Variants in BRIP1 observed in about 807,000 individuals in gnomAD.
BRIP1 encodes the protein Fanconi anemia group J protein.
In BRIP1, 88 loss-of-function variants were observed where a neutral mutation model predicts 119.7. That is an observed-to-expected ratio of 0.74 (90% CI 0.62 to 0.88). BRIP1 has a LOEUF of 0.88. Ranked by LOEUF, BRIP1 falls within the 40% of genes least tolerant of loss-of-function variation. The pLI is 0.00. For missense variants in BRIP1, 1,259 were observed against 1,455.4 expected (o/e 0.87, Z 2.20); for synonymous variants, 443 against 496.5 (o/e 0.89, Z 1.43).
chr17:61,850,144 C>T (rs1325608058), intron 4 of BRIP1, among the ~76,000 whole-genome samples: 1 of 150,470 alleles, frequency 6.6e-6, no homozygotes, highest in Non-Finnish European at 1.5e-5. Context: ...CTCTTGTTGC[C>T]CAGGCTGAAG....
Position 61,743,082 on chromosome 17 carries a change from A to G in BRIP1, c.2310T>C (p.Asp770=), listed in dbSNP as rs148752066. The G allele has an allele frequency of 3.7e-6, 6 of 1,613,836 alleles. No individual in the cohort carries two copies. The highest frequency in any genetic ancestry group is 2.7e-5 in the African/African-American group (2 of 74,906). Residue 770 remains aspartate (D), a synonymous_variant, in exon 16 of 20, where the codon GAT becomes GAC. Coordinates refer to ENST00000259008, the MANE Select transcript of BRIP1 (RefSeq NM_032043.3). This position sits in a 1 kb window ranked among gnomAD's most constrained non-coding sequence, Gnocchi z 4.3. ...CAGCACGGGCATTGTCATCTGAGAA[A>G]TCCAGACCCTCACTCACTTTACCAC... is the stretch of plus-strand genomic sequence containing the variant. The part of the protein sequence containing the change: ...VCRGKVSEGL[D]FSDDNARAVI...
rs786201802 is a variant in BRIP1, at chr17:61,693,481, G to A, written c.2524C>T (p.Leu842Phe). The A allele has an allele frequency of 1.9e-6, 3 of 1,613,458 alleles. No homozygotes were observed. Reference protein sequence around the residue: ...CIRHRNDWGALILVDDRFRNN... With the variant: ...CIRHRNDWGAFILVDDRFRNN... ...CTAAAGCGATCATCCACTAGAATAAGAGCTCCCCAATCATTTCTGTGTCTA... is the reference window on the plus strand; with the variant it reads ...CTAAAGCGATCATCCACTAGAATAAAAGCTCCCCAATCATTTCTGTGTCTA... Residue 842 changes from leucine (L) to phenylalanine (F), a missense_variant, in exon 18 of 20, where the codon CTT becomes TTT. Physicochemically the swap from Leu to Phe is conservative, Grantham distance 22. Transcript: ENST00000259008. The surrounding 1 kb of genome is among the most constrained non-coding windows in gnomAD (Gnocchi z 4.2).
In BRIP1 at chr17:61,776,525, C is replaced by T. The variant is rs759142191; in HGVS notation, c.1973G>A (p.Arg658Gln). ...VGTIGSGPKGRNLCATFQNTE... is the reference protein window; with the variant it reads ...VGTIGSGPKGQNLCATFQNTE... ...ATTCTGGAAGGTAGCACAGAGATTC[C>T]GACCCTTGGGGCCTGACCCAATGGT... Residue 658 changes from arginine to glutamine, a missense_variant, in exon 14 of 20, where the codon CGG (arginine) becomes CAG (glutamine). Transcript: ENST00000259008. The surrounding 1 kb of genome is among the most constrained non-coding windows in gnomAD (Gnocchi z 5.0). 9 of 1,614,002 alleles carry T rather than the reference C, an allele frequency of 5.6e-6. No individual in the cohort carries two copies. The highest frequency in any genetic ancestry group is 5.5e-5 in the South Asian group (5 of 91,086).
Position 61,735,354 on chromosome 17 carries a change from A to G in BRIP1, c.2379+7659T>C, listed in dbSNP as rs1409660466. Among the ~76,000 whole-genome samples the G allele has an allele frequency of 6.6e-6, 1 of 152,080 alleles. No homozygotes were observed. Among genetic ancestry groups the G allele is most frequent in the Non-Finnish European group, 1.5e-5 (1 of 68,016 alleles). On this transcript the variant is annotated intron_variant, in intron 16 of 19. Transcript: ENST00000259008. This position sits in a 1 kb window ranked among gnomAD's most constrained non-coding sequence, Gnocchi z 4.4. Reference sequence around the variant, plus strand: ...ATTTTATTTTTTTCCTCACAATTTTATTAAGTTGTGTAAGACTCTGTATTG... The same window carrying G: ...ATTTTATTTTTTTCCTCACAATTTTGTTAAGTTGTGTAAGACTCTGTATTG...
At position 61,768,867 on chromosome 17, in the gene BRIP1, T is replaced by C. The variant is rs1341086334; in HGVS notation, c.2097+7534A>G. Among the ~76,000 whole-genome samples the C allele has an allele frequency of 6.6e-6, 1 of 152,128 alleles. No individual in the cohort carries two copies. The highest frequency in any genetic ancestry group is 1.5e-5 in the Non-Finnish European group (1 of 68,030). ...AAAGGGAGATTATCTTGGGTGGACC[T>C]GACTTAATCAGGTAAAAGTCCTTAA... On this transcript the variant is annotated intron_variant, in intron 14 of 19. Coordinates refer to ENST00000259008, the MANE Select transcript of BRIP1 (RefSeq NM_032043.3). This position sits in a 1 kb window ranked among gnomAD's most constrained non-coding sequence, Gnocchi z 5.0.
intron 14 of BRIP1, among the ~76,000 whole-genome samples, chr17:61,771,543 C>A (rs924380207): frequency 2.0e-5 from 3 of 151,650 alleles, no homozygotes; most frequent in East Asian, 1.9e-4. Flanking sequence ...AGGCTATTAT[C>A]AAAAAAAACA....
Position 61,806,854 on chromosome 17 carries a change from C to T in BRIP1, c.918+1613G>A, listed in dbSNP as rs898258399. 9.9e-5 allele frequency among the ~76,000 whole-genome samples: 15 copies of T among 152,112 alleles called. No individual in the cohort carries two copies. The highest frequency in any genetic ancestry group is 3.4e-4 in the African/African-American group (14 of 41,434). ...CTGGGATTACAAGCATGCGCCACCA[C>T]GCCCAGCTAATTTTTTGTATTTTTA... On this transcript the variant is annotated intron_variant, in intron 7 of 19. Transcript: ENST00000259008. The surrounding 1 kb of genome is among the most constrained non-coding windows in gnomAD (Gnocchi z 4.9).
chr17:61,823,678 A>G lies in BRIP1; in HGVS notation c.628-14921T>C, dbSNP rs572792770. 6.6e-6 allele frequency among the ~76,000 whole-genome samples: 1 copy of G among 152,244 alleles called. No individual in the cohort carries two copies. Among genetic ancestry groups the G allele is most frequent in the South Asian group, 2.1e-4 (1 of 4,820 alleles). On this transcript the variant is annotated intron_variant, in intron 6 of 19. Coordinates refer to ENST00000259008, the MANE Select transcript of BRIP1 (RefSeq NM_032043.3). This position sits in a 1 kb window ranked among gnomAD's most constrained non-coding sequence, Gnocchi z 4.8. ...TGAGTACTTAAGAAAATATTTTTAA[A>G]TGGCTCAAATTGTTCATAATTTGAT...
chr17:61,854,814 G>A (rs1046081134), intron 4 of BRIP1, among the ~76,000 whole-genome samples: 1 of 151,588 alleles, frequency 6.6e-6, no homozygotes, highest in African/African-American at 2.4e-5. Flanking sequence ...ATACAAAGAT[G>A]TAGACACAAA....
intron 8 of BRIP1, among the ~76,000 whole-genome samples, chr17:61,800,648 C>T (rs1027051809): frequency 3.9e-5 from 6 of 152,036 alleles, no homozygotes; most frequent in Non-Finnish European, 8.8e-5. Context: ...CACAGTGTCT[C>T]AGAAGGAAGA....
In BRIP1 at chr17:61,738,555, G is replaced by A. The variant is rs10163503; in HGVS notation, c.2379+4458C>T. On this transcript the variant is annotated intron_variant, in intron 16 of 19. Coordinates refer to ENST00000259008, the MANE Select transcript of BRIP1 (RefSeq NM_032043.3). This position sits in a 1 kb window ranked among gnomAD's most constrained non-coding sequence, Gnocchi z 4.2. Reference sequence around the variant, plus strand: ...ATCATGACTGAGGAATGTCAGAGTAGGCCATCAGGTGTCTTTTTTGCATGA... The same window carrying A: ...ATCATGACTGAGGAATGTCAGAGTAAGCCATCAGGTGTCTTTTTTGCATGA... 5.9e-5 allele frequency among the ~76,000 whole-genome samples: 9 copies of A among 152,214 alleles called. No individual in the cohort carries two copies. Among genetic ancestry groups the A allele is most frequent in the Non-Finnish European group, 8.8e-5 (6 of 68,022 alleles).
In BRIP1 at chr17:61,805,595, T is replaced by C. The variant is rs1232876942; in HGVS notation, c.918+2872A>G. Among the ~76,000 whole-genome samples the C allele has an allele frequency of 6.6e-6, 1 of 152,186 alleles. No individual in the cohort carries two copies. Among genetic ancestry groups the C allele is most frequent in the Non-Finnish European group, 1.5e-5 (1 of 68,028 alleles). On this transcript the variant is annotated intron_variant, in intron 7 of 19. Coordinates refer to ENST00000259008, the MANE Select transcript of BRIP1 (RefSeq NM_032043.3). This position sits in a 1 kb window ranked among gnomAD's most constrained non-coding sequence, Gnocchi z 5.6. Reference sequence around the variant, plus strand: ...AAAACTCCAGGGCCCATTTTTCTCATGTGACTAAGCATCAAAAGAATATTT... The same window carrying C: ...AAAACTCCAGGGCCCATTTTTCTCACGTGACTAAGCATCAAAAGAATATTT...
intron 6 of BRIP1, among the ~76,000 whole-genome samples, chr17:61,839,064 C>T (rs1304071764): frequency 3.3e-5 from 5 of 151,958 alleles, no homozygotes; most frequent in Non-Finnish European, 7.4e-5. Flanking sequence ...TAATTTCCTA[C>T]AAGGAAAAAT....
At chr17:61,837,101 A>T (rs1008613874) in intron 6 of BRIP1, among the ~76,000 whole-genome samples, 1 of 152,232 alleles carries the variant, frequency 6.6e-6, no homozygotes, top group Non-Finnish European at 1.5e-5. Context: ...GAAAACTGTC[A>T]AACCCAAAGA....
Position 61,710,017 on chromosome 17 carries a change from A to G in BRIP1, c.2492+5934T>C, listed in dbSNP as rs564705461. On this transcript the variant is annotated intron_variant, in intron 17 of 19. Coordinates refer to ENST00000259008, the MANE Select transcript of BRIP1 (RefSeq NM_032043.3). This position sits in a 1 kb window ranked among gnomAD's most constrained non-coding sequence, Gnocchi z 5.4. The stretch of plus-strand genomic sequence containing the variant: ...TACATTATGAGTTTTATTAAATAAC[A>G]TAAAACATTTGCTTGGTCTTTATTT... 6.6e-6 allele frequency among the ~76,000 whole-genome samples: 1 copy of G among 152,314 alleles called. No individual in the cohort carries two copies. Among genetic ancestry groups the G allele is most frequent in the African/African-American group, 2.4e-5 (1 of 41,584 alleles).
At chr17:61,813,639 T>C (rs973441326) in intron 6 of BRIP1, among the ~76,000 whole-genome samples, 1 of 152,104 alleles carries the variant, frequency 6.6e-6, no homozygotes, top group Non-Finnish European at 1.5e-5. Flanking sequence ...TATGCTAGTA[T>C]TTTAGTCGTG....
Position 61,683,953 on chromosome 17 carries a change from A to G in BRIP1, c.3093T>C (p.Ser1031=), listed in dbSNP as rs937490699. Reference sequence around the variant, plus strand: ...TCTCTGTTTTGAAACGGGGAGGACTAGAGGCACTATTCTCTGATGACCCGA... The same window carrying G: ...TCTCTGTTTTGAAACGGGGAGGACTGGAGGCACTATTCTCTGATGACCCGA... ...PELGSSENSA[S]SPPRFKTEKM... is the part of the protein sequence containing the mutation. The change falls in exon 20 of 20, where the codon TCT becomes TCC. Residue 1031 remains serine (S), a synonymous_variant. Coordinates refer to ENST00000259008, the MANE Select transcript of BRIP1 (RefSeq NM_032043.3). This position sits in a 1 kb window ranked among gnomAD's most constrained non-coding sequence, Gnocchi z 4.7. 3.1e-6 allele frequency: 5 copies of G among 1,614,076 alleles called. No homozygotes were observed. The African/African-American group carries it at 5.3e-5, about 17-fold the overall frequency.
At chr17:61,773,576 T>C (rs1210849916) in intron 14 of BRIP1, among the ~76,000 whole-genome samples, 2 of 151,892 alleles carry the variant, frequency 1.3e-5, no homozygotes, top group African/African-American at 4.8e-5. Flanking sequence ...CTAATTAAAC[T>C]AAAGAGCTTC....
chr17:61,784,887 T>C (rs1183275772), intron 10 of BRIP1, among the ~76,000 whole-genome samples: 2 of 152,210 alleles, frequency 1.3e-5, no homozygotes, highest in Non-Finnish European at 2.9e-5. Flanking sequence ...TGCAGAACTG[T>C]GAACCAAATA....
Sources: gnomAD v4.1 joint callset for allele counts (sites outside exome capture counted in the v4.1 genomes callset) on GRCh38, gnomAD v4.1.1 for gene constraint, Gnocchi (gnomAD v3.1) non-coding constraint, MANE v1.5 for transcripts, NCBI Gene and HGNC (gene_info 2026-07-23, HGNC 2026-07-21) for gene names.